Variants in FRYL observed in about 807,000 individuals in gnomAD.
The protein encoded by FRYL is protein furry homolog-like.
In FRYL, 150 loss-of-function variants were observed where a neutral mutation model predicts 351.2. The observed-to-expected ratio is 0.43, with a 90% CI of 0.37 to 0.49. FRYL has a LOEUF of 0.49. Among genes scored for constraint, FRYL ranks in the 20% least tolerant of loss-of-function variants. The pLI is 0.00. For synonymous variants in FRYL, 1,153 were observed against 1,257.1 expected (o/e 0.92, Z 1.75); for missense variants, 3,036 against 3,619.3 (o/e 0.84, Z 4.13).
chr4:48,753,590 T>C (rs1409702825), intron 1 of FRYL, among the ~76,000 whole-genome samples: 1 of 152,214 alleles, frequency 6.6e-6, no homozygotes, highest in South Asian at 2.1e-4. Flanking sequence ...CATTTTCACT[T>C]TCTTGATAGT....
Position 48,620,785 on chromosome 4 carries a change from A to G in FRYL, c.175-7T>C, listed in dbSNP as rs1289072057. On this transcript the variant is annotated splice_polypyrimidine_tract_variant and splice_region_variant and intron_variant, in intron 5 of 63. Coordinates refer to ENST00000358350, the MANE Select transcript of FRYL (RefSeq NM_015030.2). ...AGCTCATAGAGCTTATCAACTGAAAACACAAGATATTACCAGAAAATAAAT... is the reference window on the plus strand; with the variant it reads ...AGCTCATAGAGCTTATCAACTGAAAGCACAAGATATTACCAGAAAATAAAT... 1 of 1,609,110 alleles carries G rather than the reference A, an allele frequency of 6.2e-7. No homozygotes were observed. Among genetic ancestry groups the G allele is most frequent in the African/African-American group, 1.3e-5 (1 of 74,920 alleles).
intron 4 of FRYL, among the ~76,000 whole-genome samples, chr4:48,627,829 T>C (rs1437565963): frequency 6.6e-6 from 1 of 152,174 alleles, no homozygotes; most frequent in Admixed American, 6.5e-5. Context: ...TGGAGTGCAA[T>C]GGCATGATCT....
intron 2 of FRYL, among the ~76,000 whole-genome samples, chr4:48,696,846 AT>A (rs1560873313): frequency 1.9e-4 from 5 of 26,312 alleles, no homozygotes; most frequent in African/African-American, 1.0e-3. Flanking sequence ...ACGATAAGAG[AT>A]CTATCTATCT....
chr4:48,504,977 C>T (rs1168820373), intron 60 of FRYL, among the ~76,000 whole-genome samples: 1 of 151,924 alleles, frequency 6.6e-6, no homozygotes, highest in Non-Finnish European at 1.5e-5. Flanking sequence ...ATGTATTTTC[C>T]CCTGTGAAGC....
chr4:48,758,015 G>C (rs1773980080), intron 1 of FRYL, among the ~76,000 whole-genome samples: 1 of 152,128 alleles, frequency 6.6e-6, no homozygotes, highest in Non-Finnish European at 1.5e-5. Context: ...AATGGTGCTG[G>C]GAAAACTGGC....
chr4:48,572,110 C>G (rs1738463730), intron 26 of FRYL: 1 of 417,970 alleles, frequency 2.4e-6, no homozygotes. Flanking sequence ...CAGGGATTAT[C>G]ACCATCTCCC....
chr4:48,650,435 G>A (rs1348646851), intron 3 of FRYL, among the ~76,000 whole-genome samples: 1 of 152,212 alleles, frequency 6.6e-6, no homozygotes, highest in Non-Finnish European at 1.5e-5. Context: ...TGAACAAGAT[G>A]ATGAGTATAA....
intron 49 of FRYL, 152 bp from the exon 50 acceptor site, chr4:48,531,505 A>G: frequency 1.6e-6 from 1 of 617,894 alleles, no homozygotes; most frequent in Non-Finnish European, 2.9e-6. Context: ...TTGAGTTACA[A>G]AAGGAAAGAA....
intron 47 of FRYL, 116 bp downstream of exon 47, chr4:48,539,855 C>A (rs990097879): frequency 2.8e-6 from 2 of 717,630 alleles, no homozygotes; most frequent in Non-Finnish European, 4.4e-6. Context: ...AATTTAAATG[C>A]AAAATTCATA....
At chr4:48,695,626 A>G (rs1766085318) in intron 2 of FRYL, among the ~76,000 whole-genome samples, 2 of 152,202 alleles carry the variant, frequency 1.3e-5, no homozygotes, top group African/African-American at 4.8e-5. Flanking sequence ...ATGAGCAAAG[A>G]CTTCATGATT....
chr4:48,701,781 C>T (rs1258005356), intron 2 of FRYL, among the ~76,000 whole-genome samples: 2 of 152,128 alleles, frequency 1.3e-5, no homozygotes, highest in African/African-American at 4.8e-5. Flanking sequence ...CATTCAAATA[C>T]CTACACATTC....
intron 3 of FRYL, 148 bp from the exon 4 acceptor site, chr4:48,634,638 A>C: frequency 1.9e-6 from 1 of 519,604 alleles, no homozygotes; most frequent in South Asian, 2.1e-5. Flanking sequence ...TCTATTTCTA[A>C]CATACTAACA....
chr4:48,746,058 G>C (rs921858464), intron 1 of FRYL, among the ~76,000 whole-genome samples: 4 of 152,162 alleles, frequency 2.6e-5, no homozygotes, highest in African/African-American at 9.7e-5. Flanking sequence ...TGGAACTACT[G>C]GTAAGATATA....
intron 1 of FRYL, among the ~76,000 whole-genome samples, chr4:48,756,333 G>A (rs1041710782): frequency 2.0e-5 from 3 of 151,402 alleles, no homozygotes; most frequent in African/African-American, 7.3e-5. Context: ...ACCAATTTCT[G>A]TAATTCCTTT....
At chr4:48,773,720 G>C (rs1775744751) in intron 1 of FRYL, among the ~76,000 whole-genome samples, 1 of 152,198 alleles carries the variant, frequency 6.6e-6, no homozygotes, top group Non-Finnish European at 1.5e-5. Flanking sequence ...CAGCCTAGGA[G>C]TTCAAGATCA....
intron 1 of FRYL, among the ~76,000 whole-genome samples, chr4:48,728,200 T>A (rs1022019512): frequency 6.6e-6 from 1 of 152,108 alleles, no homozygotes; most frequent in African/African-American, 2.4e-5. Flanking sequence ...AATTATCAGA[T>A]CAGGAACTGA....
chr4:48,581,471 G>A lies in FRYL; in HGVS notation c.2121C>T (p.Val707=). Residue 707 remains valine, a synonymous_variant, in exon 21 of 64, where the codon GTC becomes GTT. Coordinates refer to ENST00000358350, the MANE Select transcript of FRYL (RefSeq NM_015030.2). The part of the protein sequence containing the change: ...SSRPATRRLA[V]SVLREIRALF... ...AAGCCCGTATTTCTCTAAGGACACTGACGGCTAGTCTCCTAGTGGCAGGTC... is the reference window on the plus strand; with the variant it reads ...AAGCCCGTATTTCTCTAAGGACACTAACGGCTAGTCTCCTAGTGGCAGGTC... 6.2e-7 allele frequency: 1 copy of A among 1,613,884 alleles called. No homozygotes were observed. Among genetic ancestry groups the A allele is most frequent in the Non-Finnish European group, 8.5e-7 (1 of 1,179,938 alleles).
intron 2 of FRYL, among the ~76,000 whole-genome samples, chr4:48,687,509 A>AGGGGGGGGGGGGGGGGGGGGGGGGGG (rs1560861203): frequency 1.0e-4 from 1 of 9,794 alleles, no homozygotes; most frequent in African/African-American, 3.5e-4. Flanking sequence ...GGGGGGGGTG[A>AGGGGGGGGGGGGGGGGGGGGGGGGGG]GGGGGGAGGG....
In FRYL at chr4:48,534,564, A is replaced by G; in HGVS notation, c.6686T>C (p.Ile2229Thr). ...ACTCACCTGTACATATTTGCCAATAATCTTTATGATCTCCAGATTAAACTG... is the reference window on the plus strand; with the variant it reads ...ACTCACCTGTACATATTTGCCAATAGTCTTTATGATCTCCAGATTAAACTG... ...AKQFNLEIIKIIGKYVQSPYW... is the reference protein window; with the variant it reads ...AKQFNLEIIKTIGKYVQSPYW... The change falls in exon 49 of 64, where the codon ATT (isoleucine) becomes ACT (threonine). Residue 2229 changes from isoleucine to threonine, a missense_variant. Coordinates refer to ENST00000358350, the MANE Select transcript of FRYL (RefSeq NM_015030.2). The G allele has an allele frequency of 1.2e-6, 2 of 1,612,580 alleles. No individual in the cohort carries two copies. The highest frequency in any genetic ancestry group is 1.7e-6 in the Non-Finnish European group (2 of 1,179,226).
Sources: gnomAD v4.1 joint callset for allele counts (sites outside exome capture counted in the v4.1 genomes callset) on GRCh38, gnomAD v4.1.1 for gene constraint, MANE v1.5 for transcripts, NCBI Gene and HGNC (gene_info 2026-07-23, HGNC 2026-07-21) for gene names.